The following PPA2 variants were observed in gnomAD, a reference collection of about 807,000 sequenced individuals.
The protein encoded by PPA2 is inorganic pyrophosphatase 2.
PPA2 carries 48 observed loss-of-function variants against 49.5 expected under a neutral mutation model. The observed-to-expected ratio is 0.97, with a 90% CI of 0.77 to 1.23. PPA2 has a LOEUF of 1.23. PPA2 is among the 50% of genes most tolerant of loss of function. The pLI is 0.00. For missense variants in PPA2, 429 were observed against 410.1 expected, an observed-to-expected ratio of 1.05 and a Z score of -0.40; for synonymous variants, 131 against 139.9, an observed-to-expected ratio of 0.94 and a Z score of 0.45.
At chr4:105,379,789 A>G (rs1311457983) in intron 10 of PPA2, among the ~76,000 whole-genome samples, 1 of 151,992 alleles carries the variant, frequency 6.6e-6, no homozygotes, top group Non-Finnish European at 1.5e-5. Flanking sequence ...GTGCATCACC[A>G]TGCCCGCCTT....
intron 7 of PPA2, chr4:105,405,598 A>G: frequency 9.9e-7 from 1 of 1,006,548 alleles, no homozygotes; most frequent in Non-Finnish European, 1.2e-6. Flanking sequence ...TAACCAAATT[A>G]TCAGCAAATA....
chr4:105,452,702 G>C (rs1722721792), intron 3 of PPA2, among the ~76,000 whole-genome samples: 1 of 152,092 alleles, frequency 6.6e-6, no homozygotes. Flanking sequence ...AAGCTGGAAA[G>C]GTAAAAGGAG....
At chr4:105,373,851 T>TA (rs1240049075) in intron 10 of PPA2, among the ~76,000 whole-genome samples, 2 of 151,686 alleles carry the variant, frequency 1.3e-5, no homozygotes, top group Non-Finnish European at 2.9e-5. Flanking sequence ...GAAGGTAATT[T>TA]AAAAAAATAC....
intron 5 of PPA2, among the ~76,000 whole-genome samples, chr4:105,443,591 TCACACACACACACACACACACACACACA>T (rs56765056): frequency 7.6e-5 from 11 of 145,412 alleles, no homozygotes; most frequent in East Asian, 2.0e-4. Context: ...TATGGTGTAT[TCACACACACACACACACACACACACACA>T]CACACACACA....
chr4:105,415,271 A>G (rs1478713772), intron 7 of PPA2, among the ~76,000 whole-genome samples: 2 of 152,104 alleles, frequency 1.3e-5, no homozygotes, highest in Admixed American at 1.3e-4. Context: ...CGCTATCTAT[A>G]CATCATCCAC....
In PPA2 at chr4:105,410,125, G is replaced by A. The variant is rs115292139; in HGVS notation, c.656-10961C>T. 2.0e-3 allele frequency among the ~76,000 whole-genome samples: 311 copies of A among 152,298 alleles called. 6 individuals carry two copies. Among genetic ancestry groups the A allele is most frequent in the African/African-American group, 7.3e-3 (304 of 41,568 alleles). ...TAACAACAAACTTCTCCGAGCTTAA[G>A]GAACATGTTCTAACCCATCGCAAAG... On this transcript the variant is annotated intron_variant, in intron 7 of 11. Transcript: ENST00000341695.
At chr4:105,426,279 G>C (rs1227343923) in intron 6 of PPA2, among the ~76,000 whole-genome samples, 1 of 152,216 alleles carries the variant, frequency 6.6e-6, no homozygotes, top group Non-Finnish European at 1.5e-5. Flanking sequence ...GCAGAAGACA[G>C]GTGATTTCTG....
At chr4:105,380,988 C>T (rs80048623) in intron 10 of PPA2, among the ~76,000 whole-genome samples, 2,739 of 152,190 alleles carry the variant, frequency 0.018, 50 homozygotes, top group Non-Finnish European at 0.03. Flanking sequence ...GTAGTTGTAG[C>T]CATCTATACT....
rs563013105 is a variant in PPA2, at chr4:105,436,457, G to A, written c.528+1493C>T. 2.6e-5 allele frequency among the ~76,000 whole-genome samples: 4 copies of A among 151,958 alleles called. No homozygotes were observed. In the South Asian group the frequency reaches 8.3e-4, roughly 32 times the overall value. ...CCAATGTCATTTTTTCACAGCATTA[G>A]GAAAAAACAATCCTAATGTTTATAT... is the stretch of plus-strand genomic sequence containing the variant. On this transcript the variant is annotated intron_variant, in intron 6 of 11. Transcript: ENST00000341695.
At chr4:105,433,633 A>G (rs1188667687) in intron 6 of PPA2, among the ~76,000 whole-genome samples, 2 of 152,360 alleles carry the variant, frequency 1.3e-5, no homozygotes, top group East Asian at 3.9e-4. Context: ...GTCCACGGGA[A>G]GAGACATTAT....
In PPA2 at chr4:105,372,060, G is replaced by A. The variant is rs76365623; in HGVS notation, c.940-1187C>T. On this transcript the variant is annotated intron_variant, in intron 10 of 11. Transcript: ENST00000341695. ...AGTAACGGTGGGTACAAAGTCCATA[G>A]AGTCAGGAGCGTGGACCTGGGGAGA... Among the ~76,000 whole-genome samples, 4,556 of 152,254 alleles carry A rather than the reference G, an allele frequency of 0.03. 354 individuals carry two copies. In the East Asian group the frequency reaches 0.34, roughly 11 times the overall value.
intron 5 of PPA2, among the ~76,000 whole-genome samples, chr4:105,441,625 A>G (rs1724364075): frequency 6.6e-6 from 1 of 152,186 alleles, no homozygotes; most frequent in African/African-American, 2.4e-5. Context: ...ACTAACAGGT[A>G]TATAAGTATA....
At chr4:105,385,879 ATT>A (rs57267137) in intron 10 of PPA2, among the ~76,000 whole-genome samples, 90 of 131,026 alleles carry the variant, frequency 6.9e-4, no homozygotes, top group East Asian at 1.4e-3. Context: ...TTTATTTTCA[ATT>A]TTTTTTTTTT....
chr4:105,415,533 C>T (rs1042072163), intron 7 of PPA2, among the ~76,000 whole-genome samples: 1 of 152,210 alleles, frequency 6.6e-6, no homozygotes, highest in Non-Finnish European at 1.5e-5. Flanking sequence ...CAGGCACTTC[C>T]GAGCCTGCAG....
intron 6 of PPA2, among the ~76,000 whole-genome samples, chr4:105,424,925 T>C (rs1271428969): frequency 1.3e-5 from 2 of 152,178 alleles, no homozygotes; most frequent in Non-Finnish European, 2.9e-5. Flanking sequence ...CAAAGAATAA[T>C]GGCCAGAGAC....
At chr4:105,473,873 G>T (rs758072341) in intron 1 of PPA2, 21 bp downstream of exon 1, 42 of 1,577,502 alleles carry the variant, frequency 2.7e-5, no homozygotes, top group Non-Finnish European at 3.5e-5. Context: ...GCCGCTCGGC[G>T]AACCTCCGGG....
intron 1 of PPA2, among the ~76,000 whole-genome samples, chr4:105,464,722 G>C (rs774518035): frequency 6.6e-6 from 1 of 152,038 alleles, no homozygotes; most frequent in Non-Finnish European, 1.5e-5. Context: ...CCCTGCACTA[G>C]CTCTCTTGTC....
rs552995929 is a variant in PPA2, at chr4:105,437,865, T to C, written c.528+85A>G. Reference sequence around the variant, plus strand: ...ATCAATAGGCTTGAACTCTGAAGAGTTGAAGAACTAGAGGCTAAAATGAAA... The same window carrying C: ...ATCAATAGGCTTGAACTCTGAAGAGCTGAAGAACTAGAGGCTAAAATGAAA... On this transcript the variant is annotated intron_variant, in intron 6 of 11. Transcript: ENST00000341695. 81 of 978,432 alleles carry C rather than the reference T, an allele frequency of 8.3e-5. No homozygotes were observed. In the South Asian group the frequency reaches 1.0e-3, roughly 12 times the overall value. 60.6% of individuals were successfully genotyped at this position (978,432 alleles called of 1,614,324 possible). A position where few individuals can be genotyped will look rare whatever the true frequency, so the allele number is the denominator to read the frequency against.
intron 10 of PPA2, among the ~76,000 whole-genome samples, chr4:105,383,438 C>G (rs956938381): frequency 1.3e-5 from 2 of 152,114 alleles, no homozygotes; most frequent in African/African-American, 2.4e-5. Context: ...TGTTGGATGA[C>G]TAACAATTTG....
Sources: gnomAD v4.1 joint callset for allele counts (sites outside exome capture counted in the v4.1 genomes callset) on GRCh38, gnomAD v4.1.1 for gene constraint, MANE v1.5 for transcripts, NCBI Gene and HGNC (gene_info 2026-07-23, HGNC 2026-07-21) for gene names.